NEK7: variants seen among roughly 807,000 people sequenced by gnomAD.
The protein encoded by NEK7 is NIMA related kinase 7.
Under a neutral mutation model 44.6 loss-of-function variants are expected in NEK7, and 18 were observed. The ratio of observed to expected loss-of-function variants is 0.40; its 90% CI spans 0.28 to 0.60. The LOEUF is 0.60. Ranked by LOEUF, NEK7 falls within the 20% of genes least tolerant of loss-of-function variation. NEK7 has a pLI of 0.38. For missense variants in NEK7, 256 were observed against 366.5 expected, an observed-to-expected ratio of 0.70 and a Z score of 2.46; for synonymous variants, 130 against 121.1, an observed-to-expected ratio of 1.07 and a Z score of -0.48.
intron 1 of NEK7, among the ~76,000 whole-genome samples, chr1:198,185,171 A>G (rs536086615): frequency 2.0e-5 from 3 of 147,964 alleles, no homozygotes; most frequent in African/African-American, 7.4e-5. Context: ...CTTCTTTTAC[A>G]TAGTAGTACA....
At chr1:198,293,668 A>G (rs1654626920) in intron 8 of NEK7, among the ~76,000 whole-genome samples, 1 of 151,978 alleles carries the variant, frequency 6.6e-6, no homozygotes, top group African/African-American at 2.4e-5. Flanking sequence ...TGTTAGTAAC[A>G]CATTTTACAT....
chr1:198,157,830 T>C (rs1663961528), intron 1 of NEK7, among the ~76,000 whole-genome samples: 1 of 152,086 alleles, frequency 6.6e-6, no homozygotes, highest in Non-Finnish European at 1.5e-5. Context: ...AGAATGAACT[T>C]GGGAGAGACT....
chr1:198,250,315 A>C (rs1484752210), intron 2 of NEK7, among the ~76,000 whole-genome samples: 5 of 151,350 alleles, frequency 3.3e-5, no homozygotes, highest in Non-Finnish European at 7.4e-5. Context: ...AGGTAGTGTG[A>C]TGCCTCCAGC....
At chr1:198,309,731 A>G (rs1008665739) in intron 9 of NEK7, among the ~76,000 whole-genome samples, 2 of 152,028 alleles carry the variant, frequency 1.3e-5, no homozygotes, top group Non-Finnish European at 1.5e-5. Context: ...ACTGAGAATG[A>G]TGATTTCCAA....
At chr1:198,189,170 G>A (rs1023790566) in intron 1 of NEK7, among the ~76,000 whole-genome samples, 3 of 152,056 alleles carry the variant, frequency 2.0e-5, no homozygotes, top group Non-Finnish European at 4.4e-5. Context: ...ATATAAGTCT[G>A]AATTAAGATT....
At chr1:198,305,973 C>T (rs1655013454) in intron 9 of NEK7, among the ~76,000 whole-genome samples, 2 of 152,118 alleles carry the variant, frequency 1.3e-5, no homozygotes, top group African/African-American at 4.8e-5. Flanking sequence ...TTTTCCCGGG[C>T]AGTATAATAT....
intron 1 of NEK7, among the ~76,000 whole-genome samples, chr1:198,216,675 C>A (rs1184971829): frequency 6.6e-6 from 1 of 151,556 alleles, no homozygotes; most frequent in Non-Finnish European, 1.5e-5. Flanking sequence ...TAAACAAAAT[C>A]GATAGGCCAC....
intron 2 of NEK7, among the ~76,000 whole-genome samples, chr1:198,243,495 G>T (rs1236608039): frequency 6.6e-6 from 1 of 152,184 alleles, no homozygotes; most frequent in Non-Finnish European, 1.5e-5. Context: ...GGAGATGGGA[G>T]TATCTTTGAC....
Position 198,240,401 on chromosome 1 carries a change from G to A in NEK7, c.57+7764G>A, listed in dbSNP as rs137953791. 1.6e-3 allele frequency among the ~76,000 whole-genome samples: 249 copies of A among 152,088 alleles called. 1 individual carries two copies. Among genetic ancestry groups the A allele is most frequent in the African/African-American group, 5.6e-3 (232 of 41,478 alleles). The stretch of plus-strand genomic sequence containing the variant: ...TTTCTATTTGAACAGTCTGTTCAGA[G>A]CGATGGGGCAAAGATGAGGATGAGG... On this transcript the variant is annotated intron_variant, in intron 2 of 9. Transcript: ENST00000367385.
At chr1:198,157,486 C>T (rs1375609596) in intron 1 of NEK7, among the ~76,000 whole-genome samples, 1 of 152,138 alleles carries the variant, frequency 6.6e-6, no homozygotes, top group Non-Finnish European at 1.5e-5. Flanking sequence ...GAGGGGGCGG[C>T]AGGAAACTTC....
chr1:198,289,753 A>T (rs1004646157), intron 7 of NEK7, among the ~76,000 whole-genome samples: 2 of 152,192 alleles, frequency 1.3e-5, no homozygotes, highest in Non-Finnish European at 2.9e-5. Context: ...CAATTTAGTG[A>T]TATCTTCCAT....
At chr1:198,310,384 T>G (rs1377355578) in intron 9 of NEK7, among the ~76,000 whole-genome samples, 3 of 151,694 alleles carry the variant, frequency 2.0e-5, no homozygotes, top group Admixed American at 6.6e-5. Flanking sequence ...TTTCTCCCAT[T>G]TTGTAGGCTG....
chr1:198,210,741 C>CTTTTTTTTTTTTTTTTTTT (rs140181207), intron 1 of NEK7, among the ~76,000 whole-genome samples: 2 of 57,542 alleles, frequency 3.5e-5, no homozygotes, highest in Non-Finnish European at 6.5e-5. Flanking sequence ...ATTTGTATTT[C>CTTTTTTTTTTTTTTTTTTT]TTTTTTTTTT....
intron 1 of NEK7, among the ~76,000 whole-genome samples, chr1:198,194,342 A>G (rs1204804873): frequency 6.8e-6 from 1 of 146,156 alleles, no homozygotes; most frequent in Non-Finnish European, 1.5e-5. Context: ...GGTTTCTTAT[A>G]TAGGTAAACT....
At chr1:198,243,341 A>G (rs1055775544) in intron 2 of NEK7, among the ~76,000 whole-genome samples, 1 of 152,122 alleles carries the variant, frequency 6.6e-6, no homozygotes, top group Non-Finnish European at 1.5e-5. Flanking sequence ...TTTGTGCTAT[A>G]TCCTCCCCCA....
intron 1 of NEK7, among the ~76,000 whole-genome samples, chr1:198,203,993 C>T (rs921904600): frequency 1.3e-5 from 2 of 152,228 alleles, no homozygotes; most frequent in Non-Finnish European, 2.9e-5. Context: ...TGCAGGGGCT[C>T]ATGCCCATAT....
intron 9 of NEK7, among the ~76,000 whole-genome samples, chr1:198,315,693 G>A (rs910206733): frequency 7.9e-5 from 12 of 152,204 alleles, no homozygotes; most frequent in Non-Finnish European, 1.8e-4. Flanking sequence ...TGACGGTTAG[G>A]CAGGTGGGAA....
chr1:198,164,311 G>A (rs1430254697), intron 1 of NEK7, among the ~76,000 whole-genome samples: 1 of 152,144 alleles, frequency 6.6e-6, no homozygotes, highest in Non-Finnish European at 1.5e-5. Context: ...AAGTCCACCG[G>A]TCTAGGGCCA....
chr1:198,307,258 CAT>C lies in NEK7; in HGVS notation c.798+10021_798+10022del, dbSNP rs1240028195. Among the ~76,000 whole-genome samples, 20 of 152,244 alleles carry C rather than the reference CAT, an allele frequency of 1.3e-4. No homozygotes were observed. The East Asian group carries it at 3.9e-3, about 29-fold the overall frequency. ...CTACTAAATTATGGTATAAATATCT[CAT>C]ATGAAGATCTTTGAGTAATGTACTA... On this transcript the variant is annotated intron_variant, in intron 9 of 9. Transcript: ENST00000367385.
Sources: gnomAD v4.1 joint callset for allele counts (sites outside exome capture counted in the v4.1 genomes callset) on GRCh38, gnomAD v4.1.1 for gene constraint, MANE v1.5 for transcripts, NCBI Gene and HGNC (gene_info 2026-07-23, HGNC 2026-07-21) for gene names.